DDAH1: variants seen among roughly 807,000 people sequenced by gnomAD.
DDAH1 encodes N(G),N(G)-dimethylarginine dimethylaminohydrolase 1.
A neutral mutation model predicts 28.8 loss-of-function variants in DDAH1; 19 were observed. That is an observed-to-expected ratio of 0.66 (90% CI 0.46 to 0.97). DDAH1 has a LOEUF of 0.97. Among genes scored for constraint, DDAH1 ranks in the 50% least tolerant of loss-of-function variants. The probability of loss-of-function intolerance (pLI) is 0.00; values close to 1 mark genes in which losing one functional copy is unlikely to be tolerated. For missense variants in DDAH1, 326 were observed against 375.9 expected (o/e 0.87, Z 1.10); for synonymous variants, 153 against 154.4 (o/e 0.99, Z 0.07).
At chr1:85,479,924 G>A (rs1655950301) in intron 2 of DDAH1, among the ~76,000 whole-genome samples, 1 of 152,156 alleles carries the variant, frequency 6.6e-6, no homozygotes, top group Admixed American at 6.5e-5. Flanking sequence ...TACACATACT[G>A]AAATCTAAGA....
chr1:85,577,650 C>T (rs1053328670), intron 1 of DDAH1, among the ~76,000 whole-genome samples: 14 of 151,938 alleles, frequency 9.2e-5, no homozygotes, highest in African/African-American at 3.4e-4. Flanking sequence ...GCCCTCCAGG[C>T]GACTCGGATG....
chr1:85,412,838 A>T (rs894787137), intron 1 of DDAH1, among the ~76,000 whole-genome samples: 1 of 152,116 alleles, frequency 6.6e-6, no homozygotes, highest in Non-Finnish European at 1.5e-5. Context: ...TTGTCTCTAC[A>T]GAAAACTAAA....
chr1:85,394,773 T>G (rs1385085287), intron 1 of DDAH1, among the ~76,000 whole-genome samples: 2 of 152,106 alleles, frequency 1.3e-5, no homozygotes, highest in Non-Finnish European at 2.9e-5. Context: ...AGGTTTTAAA[T>G]AAACTCTTCA....
chr1:85,349,415 C>A (rs1649065243), intron 4 of DDAH1, among the ~76,000 whole-genome samples: 1 of 152,102 alleles, frequency 6.6e-6, no homozygotes, highest in Non-Finnish European at 1.5e-5. Context: ...AGAGAAGAGA[C>A]CTGAAAGAGC....
At chr1:85,466,832 C>CTTTTTTTTTT (rs10675813), upstream of DDAH1, among the ~76,000 whole-genome samples, 677 of 70,712 alleles carry the variant, frequency 9.6e-3, 74 homozygotes, top group Admixed American at 0.011. Flanking sequence ...ATTATTTATT[C>CTTTTTTTTTT]TTTTTTTTTT....
chr1:85,479,358 A>G (rs1421082914), intron 2 of DDAH1, among the ~76,000 whole-genome samples: 1 of 151,380 alleles, frequency 6.6e-6, no homozygotes, highest in Non-Finnish European at 1.5e-5. Flanking sequence ...TATTTTTAGT[A>G]GAGACGGGGT....
intron 1 of DDAH1, among the ~76,000 whole-genome samples, chr1:85,381,199 A>G (rs1245020446): frequency 6.6e-6 from 1 of 150,428 alleles, no homozygotes; most frequent in Admixed American, 6.7e-5. Flanking sequence ...ACTGCACTCC[A>G]GCCTGTGTGA....
chr1:85,375,290 CTG>C (rs1287026122), intron 1 of DDAH1, among the ~76,000 whole-genome samples: 12 of 152,058 alleles, frequency 7.9e-5, no homozygotes, highest in Admixed American at 2.6e-4. Flanking sequence ...CCTCTGTTCT[CTG>C]TGGATATACA....
intron 1 of DDAH1, among the ~76,000 whole-genome samples, chr1:85,424,371 TGAGA>T (rs1653294747): frequency 2.6e-5 from 4 of 152,228 alleles, no homozygotes; most frequent in Middle Eastern, 3.4e-3. Flanking sequence ...TTAATTGCAC[TGAGA>T]TCAAGGCAGT....
At chr1:85,350,599 C>T in intron 3 of DDAH1, 65 bp from the exon 4 acceptor site, 1 of 1,553,326 alleles carries the variant, frequency 6.4e-7, no homozygotes, top group Non-Finnish European at 8.7e-7. Flanking sequence ...TGATTAAAAA[C>T]CTCCCTGAAA....
chr1:85,387,184 T>C (rs186531789), intron 1 of DDAH1, among the ~76,000 whole-genome samples: 14 of 152,338 alleles, frequency 9.2e-5, no homozygotes, highest in Admixed American at 3.3e-4. Flanking sequence ...TAGCAAGCAA[T>C]AGATCAGCCA....
chr1:85,403,052 G>A (rs1213420530), intron 1 of DDAH1, among the ~76,000 whole-genome samples: 3 of 152,046 alleles, frequency 2.0e-5, no homozygotes, highest in African/African-American at 7.2e-5. Context: ...GAAGGGATCT[G>A]TGTGTGTTGG....
At chr1:85,474,422 T>G (rs1403955) in intron 2 of DDAH1, among the ~76,000 whole-genome samples, 60,208 of 151,734 alleles carry the variant, frequency 0.4, 11,960 homozygotes, top group South Asian at 0.51. Context: ...CTTGCCATCC[T>G]CATTCTGATC....
At chr1:85,405,379 A>G (rs1652356257) in intron 1 of DDAH1, among the ~76,000 whole-genome samples, 1 of 152,240 alleles carries the variant, frequency 6.6e-6, no homozygotes, top group Non-Finnish European at 1.5e-5. Context: ...AAAACACTGT[A>G]TGTAGTTCTA....
At chr1:85,350,369 G>T in intron 4 of DDAH1, 46 bp downstream of exon 4, 1 of 1,593,734 alleles carries the variant, frequency 6.3e-7, no homozygotes, top group East Asian at 2.2e-5. Context: ...AAACCCTGTG[G>T]CAGGCACCCC....
At chr1:85,407,449 A>C (rs1652458095) in intron 1 of DDAH1, among the ~76,000 whole-genome samples, 1 of 152,226 alleles carries the variant, frequency 6.6e-6, no homozygotes, top group African/African-American at 2.4e-5. Context: ...AAACTCTATC[A>C]GAGCGGAAAG....
chr1:85,497,025 A>G (rs1473674183), intron 1 of DDAH1, among the ~76,000 whole-genome samples: 1 of 152,222 alleles, frequency 6.6e-6, no homozygotes, highest in Non-Finnish European at 1.5e-5. Flanking sequence ...TCATTAATTC[A>G]AAACAGAAAA....
chr1:85,520,732 A>G (rs1338406540), intron 1 of DDAH1, among the ~76,000 whole-genome samples: 1 of 152,226 alleles, frequency 6.6e-6, no homozygotes, highest in Non-Finnish European at 1.5e-5. Flanking sequence ...TACTGAACGC[A>G]GGGGACAATA....
intron 1 of DDAH1, among the ~76,000 whole-genome samples, chr1:85,381,624 C>G (rs1478469073): frequency 6.6e-6 from 1 of 152,054 alleles, no homozygotes; most frequent in African/African-American, 2.4e-5. Flanking sequence ...TATTTTTCCT[C>G]TGACTGCTTT....
Sources: gnomAD v4.1 joint callset for allele counts (sites outside exome capture counted in the v4.1 genomes callset) on GRCh38, gnomAD v4.1.1 for gene constraint, MANE v1.5 for transcripts, NCBI Gene and HGNC (gene_info 2026-07-23, HGNC 2026-07-21) for gene names.